The following TNRC6B variants were observed in gnomAD, a reference collection of about 807,000 sequenced individuals.
TNRC6B encodes the protein trinucleotide repeat-containing gene 6B protein.
In TNRC6B, 52 loss-of-function variants were observed where a neutral mutation model predicts 203.6. The ratio of observed to expected loss-of-function variants is 0.26; its 90% confidence interval spans 0.20 to 0.32. The LOEUF is 0.32. Ranked by LOEUF, TNRC6B falls within the 10% of genes least tolerant of loss-of-function variation. The pLI, the probability that TNRC6B is intolerant of heterozygous loss-of-function variation, is 1.00. For missense variants in TNRC6B, 1,923 were observed against 2,286.2 expected (o/e 0.84, Z 3.24); for synonymous variants, 838 against 845.7 (o/e 0.99, Z 0.16).
Position 40,310,929 on chromosome 22 carries a change from A to G in TNRC6B, c.4371A>G (p.Leu1457=), listed in dbSNP as rs746925959. The part of the protein sequence containing the change: ...GHTGPAGDSW[L]PAKSPPTNKI... ...CGGGTCCTGCTGGTGATAGCTGGTT[A>G]CCTGCCAAATCTCCACCAACAAATA... Residue 1457 remains leucine (L), a synonymous_variant, in exon 17 of 23, where the codon TTA becomes TTG. Transcript: ENST00000454349. 6.2e-7 allele frequency: 1 copy of G among 1,611,030 alleles called. No individual in the cohort carries two copies. Among genetic ancestry groups the G allele is most frequent in the Non-Finnish European group, 8.5e-7 (1 of 1,179,050 alleles).
chr22:40,153,334 AGAG>A (rs1417096292), intron 3 of TNRC6B, among the ~76,000 whole-genome samples: 1 of 152,134 alleles, frequency 6.6e-6, no homozygotes, highest in Non-Finnish European at 1.5e-5. Flanking sequence ...CCAGAGATGA[AGAG>A]GAGGAGACAT....
In TNRC6B at chr22:40,191,800, G is replaced by A. The variant is rs2069277278; in HGVS notation, c.5+13660G>A. On this transcript the variant is annotated intron_variant, in intron 1 of 22. Coordinates refer to ENST00000454349, the MANE Select transcript of TNRC6B (RefSeq NM_001162501.2). Reference sequence around the variant, plus strand: ...GAGTCTCATTCTGTTGCCCAGGCTGGAGTGCAGTGGCACGATCTCAGCTCA... The same window carrying A: ...GAGTCTCATTCTGTTGCCCAGGCTGAAGTGCAGTGGCACGATCTCAGCTCA... 2.0e-5 allele frequency among the ~76,000 whole-genome samples: 3 copies of A among 152,264 alleles called. No individual in the cohort carries two copies. The South Asian group carries it at 6.2e-4, about 32-fold the overall frequency.
intron 3 of TNRC6B, among the ~76,000 whole-genome samples, chr22:40,127,163 T>C (rs1382541434): frequency 6.6e-6 from 1 of 152,076 alleles, no homozygotes; most frequent in Non-Finnish European, 1.5e-5. Context: ...AGTATTACTT[T>C]TACTTCCCTC....
intron 3 of TNRC6B, among the ~76,000 whole-genome samples, chr22:40,129,197 TAG>T (rs144872298): frequency 2.0e-5 from 3 of 152,030 alleles, no homozygotes; most frequent in Non-Finnish European, 2.9e-5. Flanking sequence ...GACAGGAGGT[TAG>T]AGAGAGAGAC....
intron 11 of TNRC6B, among the ~76,000 whole-genome samples, chr22:40,285,262 C>G (rs2070765828): frequency 6.6e-6 from 1 of 152,158 alleles, no homozygotes; most frequent in Admixed American, 6.5e-5. Flanking sequence ...TGCATTTTTA[C>G]TCAGGTGCCT....
At chr22:40,200,983 T>C (rs2069404917) in intron 1 of TNRC6B, among the ~76,000 whole-genome samples, 1 of 152,166 alleles carries the variant, frequency 6.6e-6, no homozygotes, top group Admixed American at 6.5e-5. Flanking sequence ...CGCCTCCTTA[T>C]CTGCAGGCTG....
chr22:40,266,449 A>G lies in TNRC6B; in HGVS notation c.2219A>G (p.Gln740Arg). The change falls in exon 5 of 23, where the codon CAA becomes CGA. Residue 740 changes from glutamine to arginine, a missense_variant. Coordinates refer to ENST00000454349, the MANE Select transcript of TNRC6B (RefSeq NM_001162501.2). Reference sequence around the variant, plus strand: ...TGGGGAGGTGGACGCCAGCCCAATCAAGGATGGTCTTCTGGAAAGAATGGT... The same window carrying G: ...TGGGGAGGTGGACGCCAGCCCAATCGAGGATGGTCTTCTGGAAAGAATGGT... Reference protein sequence around the residue: ...QGWGGGRQPNQGWSSGKNGWG... With the variant: ...QGWGGGRQPNRGWSSGKNGWG... The G allele has an allele frequency of 8.1e-6, 13 of 1,613,840 alleles. No homozygotes were observed. Among genetic ancestry groups the G allele is most frequent in the Non-Finnish European group, 1.1e-5 (13 of 1,179,832 alleles).
At chr22:40,273,353 T>A in intron 6 of TNRC6B, 72 bp from the exon 7 acceptor site, 1 of 1,372,128 alleles carries the variant, frequency 7.3e-7, no homozygotes, top group Non-Finnish European at 9.7e-7. Flanking sequence ...ATGCTGCATC[T>A]GCAAGGAATT....
chr22:40,332,729 G>A lies in TNRC6B; in HGVS notation c.*9488G>A, dbSNP rs530218014. The stretch of plus-strand genomic sequence containing the variant: ...ACTGTCTCACACAAAATAATACCTC[G>A]AGGTACATTTCCCCCTGCAATGTAA... On this transcript the variant is annotated 3_prime_UTR_variant, in exon 23 of 23. Transcript: ENST00000454349. 6.6e-5 allele frequency: 10 copies of A among 152,514 alleles called. No individual in the cohort carries two copies. Among genetic ancestry groups the A allele is most frequent in the African/African-American group, 1.9e-4 (8 of 41,452 alleles). The allele number at this position is 152,514 out of a possible 1,614,324, so 9.4% of individuals were successfully genotyped here.
rs572992900 is a variant in TNRC6B at position 40,253,811 on chromosome 22, G to A, written c.115+2611G>A. On this transcript the variant is annotated intron_variant, in intron 3 of 22. Coordinates refer to ENST00000454349, the MANE Select transcript of TNRC6B (RefSeq NM_001162501.2). The stretch of plus-strand genomic sequence containing the variant: ...TTCCCAGTAAGCCCACCTTGGTACT[G>A]TAAATCTCCTTCTTCTTCTCTTACC... 1.2e-4 allele frequency: 53 copies of A among 432,924 alleles called. 1 individual carries two copies. In the East Asian group the frequency reaches 2.9e-3, roughly 24 times the overall value. 26.8% of individuals were successfully genotyped at this position (432,924 alleles called of 1,614,324 possible). A position where few individuals can be genotyped will look rare whatever the true frequency, so the allele number is the denominator to read the frequency against.
intron 12 of TNRC6B, among the ~76,000 whole-genome samples, chr22:40,296,320 T>C (rs748529915): frequency 8.6e-4 from 128 of 149,470 alleles, no homozygotes; most frequent in Non-Finnish European, 1.1e-3. Context: ...TTGAGGAGAA[T>C]GGTGAATTTT....
intron 3 of TNRC6B, chr22:40,253,822 T>A (rs1487020313): frequency 1.2e-5 from 3 of 259,660 alleles, no homozygotes; most frequent in African/African-American, 7.5e-5. Flanking sequence ...TAAATCTCCT[T>A]CTTCTTCTCT....
Position 40,266,477 on chromosome 22 carries a change from G to C in TNRC6B, c.2247G>C (p.Trp749Cys), listed in dbSNP as rs200598254. Residue 749 changes from tryptophan (W) to cysteine (C), a missense_variant, in exon 5 of 23, where the codon TGG becomes TGC. By Grantham distance (215) the Trp-to-Cys change is radical. This residue lies in a region of TNRC6B where 599 missense variants were observed against 656.5 expected (regional missense o/e 0.91). Transcript: ENST00000454349. ...NQGWSSGKNG[W>C]GEEVDQTKNS... The stretch of plus-strand genomic sequence containing the variant: ...GATGGTCTTCTGGAAAGAATGGTTG[G>C]GGGGAGGAAGTCGATCAGACAAAAA... 4.6e-5 allele frequency: 74 copies of C among 1,613,674 alleles called. No homozygotes were observed. The highest frequency in any genetic ancestry group is 8.3e-5 in the Admixed American group (5 of 59,976).
intron 21 of TNRC6B, among the ~76,000 whole-genome samples, chr22:40,318,559 ATTTTT>A (rs911486384): frequency 6.7e-6 from 1 of 150,042 alleles, no homozygotes; most frequent in East Asian, 2.0e-4. Context: ...AGAAAAAAAA[ATTTTT>A]TTTTTAAGTT....
rs935809810 is a variant in TNRC6B at position 40,192,144 on chromosome 22, G to A, written c.5+14004G>A. Among the ~76,000 whole-genome samples the A allele has an allele frequency of 9.2e-5, 14 of 152,366 alleles. 1 individual carries two copies. Among genetic ancestry groups the A allele is most frequent in the South Asian group, 6.2e-4 (3 of 4,828 alleles). The stretch of plus-strand genomic sequence containing the variant: ...CAAAGTGCTGAGATAAGATCCAGCT[G>A]TGATTATAGGTGTGAGCAACTATGC... On this transcript the variant is annotated intron_variant, in intron 1 of 22. Coordinates refer to ENST00000454349, the MANE Select transcript of TNRC6B (RefSeq NM_001162501.2).
intron 1 of TNRC6B, among the ~76,000 whole-genome samples, chr22:40,214,701 C>T (rs1425021269): frequency 2.0e-5 from 3 of 152,094 alleles, no homozygotes; most frequent in East Asian, 1.9e-4. Flanking sequence ...TACAGGCACA[C>T]ACCACCATGC....
At chr22:40,229,564 C>T (rs2069839029) in intron 1 of TNRC6B, among the ~76,000 whole-genome samples, 2 of 131,596 alleles carry the variant, frequency 1.5e-5, no homozygotes, top group Admixed American at 1.6e-4. Flanking sequence ...ATATGTCCTT[C>T]ACCACCCTCT....
intron 1 of TNRC6B, among the ~76,000 whole-genome samples, chr22:40,046,613 A>ATT (rs11300855): frequency 3.3e-5 from 4 of 122,426 alleles, no homozygotes; most frequent in Non-Finnish European, 5.4e-5. Context: ...AAGCACTTAA[A>ATT]TTTTTTTTTT....
At chr22:40,138,486 G>A (rs189691709) in intron 3 of TNRC6B, among the ~76,000 whole-genome samples, 86 of 152,176 alleles carry the variant, frequency 5.7e-4, no homozygotes, top group African/African-American at 2.0e-3. Context: ...GACTGGTCTC[G>A]AATTCCTGAC....
Sources: allele counts gnomAD v4.1 joint callset (sites outside exome capture counted in the v4.1 genomes callset), GRCh38; gene constraint gnomAD v4.1.1; regional missense constraint gnomAD v4.1.1; transcripts MANE v1.5; gene names NCBI Gene and HGNC (gene_info 2026-07-23, HGNC 2026-07-21).